Variants in CHAF1A observed in about 807,000 individuals in gnomAD.
CHAF1A encodes the protein CAF-1 subunit A.
Under a neutral mutation model 93.2 loss-of-function variants are expected in CHAF1A, and 5 were observed. The observed-to-expected ratio is 0.05, with a 90% CI of 0.03 to 0.11. The LOEUF (loss-of-function observed/expected upper bound fraction) is 0.11. Ranked by LOEUF, CHAF1A falls within the 10% of genes least tolerant of loss-of-function variation. The pLI is 1.00. For synonymous variants in CHAF1A, 504 were observed against 510.3 expected (o/e 0.99, Z 0.17); for missense variants, 1,102 against 1,259.9 (o/e 0.87, Z 1.90).
intron 7 of CHAF1A, among the ~76,000 whole-genome samples, chr19:4,425,239 C>CT (rs59488897): frequency 0.19 from 28,726 of 152,044 alleles, 3,085 homozygotes; most frequent in Admixed American, 0.27. Flanking sequence ...TGGTTTCTCT[C>CT]TTTTTTTACA....
At chr19:4,435,087 C>CTTTTTTTTTT (rs869255408) in intron 13 of CHAF1A, among the ~76,000 whole-genome samples, 18 of 87,966 alleles carry the variant, frequency 2.0e-4, no homozygotes, top group South Asian at 4.3e-4. Context: ...CTTTTTTTTC[C>CTTTTTTTTTT]TTTTTTTTTT....
chr19:4,416,294 G>A (rs113300262), intron 3 of CHAF1A, among the ~76,000 whole-genome samples: 4 of 152,218 alleles, frequency 2.6e-5, no homozygotes, highest in Non-Finnish European at 5.9e-5. Context: ...TGAACCCGGA[G>A]AACTATTTCT....
intron 2 of CHAF1A, among the ~76,000 whole-genome samples, chr19:4,407,924 G>C (rs1020776971): frequency 6.6e-6 from 1 of 151,854 alleles, no homozygotes; most frequent in African/African-American, 2.4e-5. Flanking sequence ...CTCCAACATG[G>C]GTGACGAGCA....
At chr19:4,447,354 G>A, downstream of CHAF1A, 2 of 608,902 alleles carry the variant, frequency 3.3e-6, no homozygotes, top group Non-Finnish European at 5.9e-6. Flanking sequence ...TGTTGATTTG[G>A]GGTGACCGGT....
At chr19:4,444,942 C>G (rs1188392296), downstream of CHAF1A, 1 of 154,436 alleles carries the variant, frequency 6.5e-6, no homozygotes, top group Non-Finnish European at 1.4e-5. Context: ...AGCCCCCAAG[C>G]CATCCGCTCT....
rs150932033 is a variant in CHAF1A, at chr19:4,432,063, G to A, written c.2059G>A (p.Gly687Ser). 1.2e-6 allele frequency: 2 copies of A among 1,613,986 alleles called. No individual in the cohort carries two copies. The highest frequency in any genetic ancestry group is 1.7e-6 in the Non-Finnish European group (2 of 1,179,988). The change falls in exon 12 of 15, where the codon GGC becomes AGC. Residue 687 changes from glycine (G) to serine (S), a missense_variant. Gly to Ser is a moderately conservative substitution (Grantham distance 56). Coordinates refer to ENST00000301280, the MANE Select transcript of CHAF1A (RefSeq NM_005483.3). Reference protein sequence around the residue: ...RFRVLQPVKIGCVWAADRDCA... With the variant: ...RFRVLQPVKISCVWAADRDCA... ...TCGCGTCCTGCAACCTGTGAAGATCGGCTGCGTGTGGGCGGCTGACAGAGA... is the reference window on the plus strand; with the variant it reads ...TCGCGTCCTGCAACCTGTGAAGATCAGCTGCGTGTGGGCGGCTGACAGAGA...
intron 13 of CHAF1A, among the ~76,000 whole-genome samples, chr19:4,439,138 A>G (rs1974340514): frequency 6.6e-6 from 1 of 150,648 alleles, no homozygotes. Context: ...AAATTAGCTG[A>G]GCATGGTGGT....
chr19:4,441,241 T>A (rs1161763276), intron 13 of CHAF1A, among the ~76,000 whole-genome samples: 2 of 150,436 alleles, frequency 1.3e-5, no homozygotes, highest in Non-Finnish European at 3.0e-5. Context: ...CACTTGAACC[T>A]GGGAGTCAGA....
intron 1 of CHAF1A, among the ~76,000 whole-genome samples, chr19:4,404,586 G>A (rs1973646551): frequency 6.6e-6 from 1 of 152,146 alleles, no homozygotes; most frequent in South Asian, 2.1e-4. Flanking sequence ...TATTCACTAA[G>A]CTTGGGGCGG....
chr19:4,443,900 C>T (rs1022848150), downstream of CHAF1A, among the ~76,000 whole-genome samples: 1 of 152,200 alleles, frequency 6.6e-6, no homozygotes, highest in Non-Finnish European at 1.5e-5. Context: ...GCTCGCCAGT[C>T]CTGCTCTTCC....
intron 4 of CHAF1A, among the ~76,000 whole-genome samples, chr19:4,420,559 A>G (rs560624187): frequency 1.3e-5 from 2 of 152,232 alleles, no homozygotes; most frequent in East Asian, 3.9e-4. Flanking sequence ...TTAACATTGA[A>G]CTTCAGATTA....
downstream of CHAF1A, chr19:4,448,251 G>T: frequency 3.6e-6 from 5 of 1,397,048 alleles, no homozygotes; most frequent in East Asian, 2.5e-5. Flanking sequence ...GGGGGTGACA[G>T]CCCCAGTGGG....
At chr19:4,417,672 G>A (rs140106912) in intron 3 of CHAF1A, among the ~76,000 whole-genome samples, 50 of 152,192 alleles carry the variant, frequency 3.3e-4, no homozygotes, top group African/African-American at 1.1e-3. Context: ...CGTTGGCCAG[G>A]CTGGTCTCGA....
chr19:4,445,866 G>T, downstream of CHAF1A: 1 of 1,091,606 alleles, frequency 9.2e-7, no homozygotes, highest in Non-Finnish European at 1.3e-6. Context: ...GAGGCGTGGA[G>T]TAGTTATGAA....
At chr19:4,406,433 ATTTTTTTTTT>A (rs35200206) in intron 2 of CHAF1A, among the ~76,000 whole-genome samples, 1 of 133,232 alleles carries the variant, frequency 7.5e-6, no homozygotes, top group African/African-American at 2.8e-5. Flanking sequence ...TTGGATTGTA[ATTTTTTTTTT>A]TTTTTTTTTG....
At chr19:4,431,831 A>C in intron 11 of CHAF1A, 121 bp from the exon 12 acceptor site, 2 of 1,263,632 alleles carry the variant, frequency 1.6e-6, no homozygotes, top group Non-Finnish European at 2.2e-6. Flanking sequence ...CACTGTGGGA[A>C]GTTTTGTGCC....
intron 2 of CHAF1A, among the ~76,000 whole-genome samples, chr19:4,406,723 G>A (rs1416159209): frequency 3.3e-5 from 5 of 152,182 alleles, no homozygotes; most frequent in East Asian, 1.9e-4. Flanking sequence ...GTGAGCCACC[G>A]CACCCGGCCC....
At chr19:4,412,498 C>T (rs993404468) in intron 3 of CHAF1A, among the ~76,000 whole-genome samples, 3 of 152,110 alleles carry the variant, frequency 2.0e-5, no homozygotes, top group East Asian at 1.9e-4. Flanking sequence ...GGCCTGAGAT[C>T]GTGCCATTGC....
intron 1 of CHAF1A, among the ~76,000 whole-genome samples, chr19:4,405,491 C>A (rs561588654): frequency 5.9e-5 from 9 of 151,988 alleles, no homozygotes; most frequent in African/African-American, 1.9e-4. Context: ...GCCTGTAGTC[C>A]CAGCTACTTG....
Sources: gnomAD v4.1 joint callset for allele counts (sites outside exome capture counted in the v4.1 genomes callset) on GRCh38, gnomAD v4.1.1 for gene constraint, MANE v1.5 for transcripts, NCBI Gene and HGNC (gene_info 2026-07-23, HGNC 2026-07-21) for gene names.